RAB27B: variants seen among roughly 807,000 people sequenced by gnomAD.
RAB27B encodes the protein ras-related protein Rab-27B.
RAB27B carries 15 observed loss-of-function variants against 24.6 expected under a neutral mutation model. That is an observed-to-expected ratio of 0.61 (90% CI 0.41 to 0.94). The LOEUF is 0.94. Among genes scored for constraint, RAB27B ranks in the 40% least tolerant of loss-of-function variants. RAB27B has a pLI of 0.00. For synonymous variants in RAB27B, 105 were observed against 92.5 expected (o/e 1.14, Z -0.78); for missense variants, 261 against 266.8 (o/e 0.98, Z 0.15).
chr18:54,818,054 C>G (rs1344417720), intron 2 of RAB27B, among the ~76,000 whole-genome samples: 2 of 152,122 alleles, frequency 1.3e-5, no homozygotes, highest in Non-Finnish European at 2.9e-5. Flanking sequence ...ATTTCAGTGG[C>G]TTTCTTGTTA....
chr18:54,836,113 T>G (rs1285653488), intron 1 of RAB27B, among the ~76,000 whole-genome samples: 1 of 152,024 alleles, frequency 6.6e-6, no homozygotes. Flanking sequence ...TTGTGTCCTT[T>G]GTAGACTTGG....
At chr18:54,849,096 C>G (rs1055693286) in intron 1 of RAB27B, among the ~76,000 whole-genome samples, 1 of 152,140 alleles carries the variant, frequency 6.6e-6, no homozygotes, top group Non-Finnish European at 1.5e-5. Flanking sequence ...CATTGTAATG[C>G]TGCCAGCTCA....
rs1196056435 is a variant in RAB27B at position 54,892,177 on chromosome 18, A to T, written c.*2764A>T. On this transcript the variant is annotated 3_prime_UTR_variant, in exon 6 of 6. Coordinates refer to ENST00000262094, the MANE Select transcript of RAB27B (RefSeq NM_004163.4). ...ATCTCCCAATGCTTTAGTAAAACGT[A>T]TTTAGGAGAAATGTTGAAAATGTAC... 4 of 152,096 alleles carry T rather than the reference A, an allele frequency of 2.6e-5. No homozygotes were observed. Among genetic ancestry groups the T allele is most frequent in the Non-Finnish European group, 4.4e-5 (3 of 67,992 alleles). 9.4% of individuals were successfully genotyped at this position (152,096 alleles called of 1,614,324 possible).
chr18:54,748,075 C>A (rs1316488918), intron 2 of RAB27B, among the ~76,000 whole-genome samples: 2 of 151,926 alleles, frequency 1.3e-5, no homozygotes, highest in African/African-American at 4.8e-5. Flanking sequence ...CCACTGCACT[C>A]CAGCCTGAGC....
chr18:54,720,676 AAT>A (rs1909331304), intron 2 of RAB27B, among the ~76,000 whole-genome samples: 1 of 152,138 alleles, frequency 6.6e-6, no homozygotes, highest in Admixed American at 6.6e-5. Context: ...TAAGTAAGAA[AAT>A]ATATCTCCTA....
At chr18:54,828,964 A>T (rs533446686) in intron 1 of RAB27B, among the ~76,000 whole-genome samples, 11 of 152,338 alleles carry the variant, frequency 7.2e-5, no homozygotes, top group African/African-American at 2.6e-4. Flanking sequence ...CACCAAAAAA[A>T]GCAAAAAGAA....
intron 2 of RAB27B, among the ~76,000 whole-genome samples, chr18:54,755,173 C>G (rs142330334): frequency 1.3e-5 from 2 of 152,028 alleles, no homozygotes; most frequent in South Asian, 4.2e-4. Flanking sequence ...GCGGATCACC[C>G]GAGGTCAGGA....
At chr18:54,805,478 A>AATTTTGTGTTT (rs1909762944) in intron 2 of RAB27B, among the ~76,000 whole-genome samples, 1 of 152,224 alleles carries the variant, frequency 6.6e-6, no homozygotes, top group East Asian at 1.9e-4. Flanking sequence ...TTCTAGGTAC[A>AATTTTGTGTTT]TATACAAAGC....
intron 2 of RAB27B, among the ~76,000 whole-genome samples, chr18:54,720,483 C>A (rs1034310377): frequency 2.0e-5 from 3 of 152,008 alleles, no homozygotes; most frequent in Non-Finnish European, 2.9e-5. Flanking sequence ...AACAGAAATT[C>A]TTTCATGAAT....
chr18:54,877,690 T>A lies in RAB27B; in HGVS notation c.105T>A (p.Asn35Lys). The change falls in exon 2 of 6, where the codon AAT becomes AAA. Residue 35 changes from asparagine (N) to lysine (K), a missense_variant. Physicochemically the swap from Asn to Lys is moderately conservative, Grantham distance 94. Transcript: ENST00000262094. The part of the protein sequence containing the change: ...FLYRYTDNKF[N>K]PKFITTVGID... ...ATAGATACACAGATAATAAATTCAATCCCAAATTCATCACTACAGTAGGAA... is the reference window on the plus strand; with the variant it reads ...ATAGATACACAGATAATAAATTCAAACCCAAATTCATCACTACAGTAGGAA... 6.3e-7 allele frequency: 1 copy of A among 1,598,750 alleles called. No homozygotes were observed. Among genetic ancestry groups the A allele is most frequent in the Middle Eastern group, 1.7e-4 (1 of 6,020 alleles).
At chr18:54,764,566 A>G (rs991782365) in intron 2 of RAB27B, among the ~76,000 whole-genome samples, 1 of 152,104 alleles carries the variant, frequency 6.6e-6, no homozygotes, top group African/African-American at 2.4e-5. Flanking sequence ...TCCCTTCCCT[A>G]TGCCACCGTT....
intron 1 of RAB27B, among the ~76,000 whole-genome samples, chr18:54,831,375 G>T (rs1910669366): frequency 6.6e-6 from 1 of 152,076 alleles, no homozygotes; most frequent in Admixed American, 6.6e-5. Context: ...AGCAAGAAAT[G>T]GGGGAGAGGA....
intron 5 of RAB27B, among the ~76,000 whole-genome samples, chr18:54,888,347 A>G (rs1242249234): frequency 1.3e-5 from 2 of 152,172 alleles, no homozygotes; most frequent in Non-Finnish European, 1.5e-5. Context: ...CTAGACATTA[A>G]CTCATTTTAA....
chr18:54,841,114 C>T (rs556398584), intron 1 of RAB27B, among the ~76,000 whole-genome samples: 10 of 127,706 alleles, frequency 7.8e-5, no homozygotes, highest in African/African-American at 2.9e-4. Context: ...TCATTGCACT[C>T]CAGCTCTGGG....
At chr18:54,843,571 T>A (rs1239434462) in intron 1 of RAB27B, among the ~76,000 whole-genome samples, 3 of 152,160 alleles carry the variant, frequency 2.0e-5, no homozygotes, top group Non-Finnish European at 4.4e-5. Flanking sequence ...TGCTGATCAA[T>A]CAAAATAAAC....
intron 2 of RAB27B, chr18:54,745,242 C>A: frequency 5.4e-6 from 1 of 184,584 alleles, no homozygotes; most frequent in South Asian, 1.1e-4. Flanking sequence ...AGAGGCCCCT[C>A]AGTGGGCCTG....
chr18:54,762,593 T>G (rs1908226343), intron 2 of RAB27B, among the ~76,000 whole-genome samples: 1 of 152,184 alleles, frequency 6.6e-6, no homozygotes, highest in African/African-American at 2.4e-5. Context: ...CACTTGCTAT[T>G]TCCTCTCTTG....
intron 4 of RAB27B, chr18:54,885,973 A>G (rs372504068): frequency 6.6e-6 from 1 of 152,508 alleles, no homozygotes; most frequent in African/African-American, 2.4e-5. Context: ...AGAACTCACT[A>G]TCATGAGAAC....
At chr18:54,827,427 T>G (rs1474928936), upstream of RAB27B, among the ~76,000 whole-genome samples, 1 of 152,248 alleles carries the variant, frequency 6.6e-6, no homozygotes, top group African/African-American at 2.4e-5. Flanking sequence ...CTTTAATAGT[T>G]TCATAATAGA....
Sources: gnomAD v4.1 joint callset for allele counts (sites outside exome capture counted in the v4.1 genomes callset) on GRCh38, gnomAD v4.1.1 for gene constraint, MANE v1.5 for transcripts, NCBI Gene and HGNC (gene_info 2026-07-23, HGNC 2026-07-21) for gene names.